The following BTG3 variants were observed in gnomAD, a reference collection of about 807,000 sequenced individuals.
BTG3 encodes the protein BTG anti-proliferation factor 3.
BTG3 carries 4 observed loss-of-function variants against 25.8 expected under a neutral mutation model. The ratio of observed to expected loss-of-function variants is 0.16; its 90% CI spans 0.08 to 0.36. The LOEUF is 0.36. Among genes scored for constraint, BTG3 ranks in the 10% least tolerant of loss-of-function variants. The probability of loss-of-function intolerance (pLI) is 1.00; values close to 1 mark genes in which losing one functional copy is unlikely to be tolerated. For missense variants in BTG3, 201 were observed against 304.9 expected, an observed-to-expected ratio of 0.66 and a Z score of 2.54; for synonymous variants, 107 against 99.9, an observed-to-expected ratio of 1.07 and a Z score of -0.42.
In BTG3 at chr21:17,594,246, C is replaced by T. The variant is rs1421916728; in HGVS notation, c.606G>A (p.Gln202=). The T allele has an allele frequency of 3.1e-6, 5 of 1,613,344 alleles. No individual in the cohort carries two copies. Among genetic ancestry groups the T allele is most frequent in the Non-Finnish European group, 4.2e-6 (5 of 1,179,432 alleles). ...ATGGAACAGGAGGAGGATAGTGATT[C>T]TGATGGCCATTCCCTCGATACATTC... is the stretch of plus-strand genomic sequence containing the variant. ...KPGMYRGNGH[Q]NHYPPPVPFG... The change falls in exon 5 of 5, where the codon CAG becomes CAA. Residue 202 remains glutamine, a synonymous_variant. Coordinates refer to ENST00000348354, the MANE Select transcript of BTG3 (RefSeq NM_006806.5).
At chr21:17,607,122 C>T (rs1041182561) in intron 2 of BTG3, among the ~76,000 whole-genome samples, 2 of 152,160 alleles carry the variant, frequency 1.3e-5, no homozygotes, top group Admixed American at 6.6e-5. Context: ...TCAAATACAG[C>T]TTTAAAATGA....
intron 1 of BTG3, chr21:17,612,366 C>T (rs1007058470): frequency 4.6e-5 from 7 of 152,304 alleles, no homozygotes; most frequent in Non-Finnish European, 1.0e-4. Context: ...AGGGGGTGGA[C>T]AGAGGGTGGG....
chr21:17,604,162 G>A, intron 3 of BTG3: 1 of 1,279,096 alleles, frequency 7.8e-7, no homozygotes, highest in Non-Finnish European at 1.0e-6. Flanking sequence ...AAAAGGAGGA[G>A]GCCGGGCGCA....
At chr21:17,600,128 G>A (rs1290873069) in intron 3 of BTG3, among the ~76,000 whole-genome samples, 1 of 151,770 alleles carries the variant, frequency 6.6e-6, no homozygotes, top group Non-Finnish European at 1.5e-5. Context: ...TGTAACATAT[G>A]CTGCTGGTTA....
At chr21:17,599,755 T>C (rs1476286443) in intron 3 of BTG3, among the ~76,000 whole-genome samples, 3 of 152,158 alleles carry the variant, frequency 2.0e-5, no homozygotes, top group African/African-American at 4.8e-5. Context: ...GCTGGGTTTA[T>C]AGGCGTGAGC....
intron 3 of BTG3, chr21:17,599,135 T>G (rs2061539888): frequency 3.8e-6 from 1 of 263,670 alleles, no homozygotes; most frequent in African/African-American, 2.2e-5. Context: ...GATTACATTT[T>G]TGTATGTACC....
At chr21:17,594,408 CAA>C in intron 4 of BTG3, 76 bp from the exon 5 acceptor site, 1 of 538,168 alleles carries the variant, frequency 1.9e-6, no homozygotes, top group South Asian at 3.3e-5. Context: ...TCATTAAAGA[CAA>C]ACAAAGTTAC....
At chr21:17,597,618 GT>G (rs995071821) in intron 4 of BTG3, among the ~76,000 whole-genome samples, 3 of 151,804 alleles carry the variant, frequency 2.0e-5, no homozygotes, top group African/African-American at 4.8e-5. Flanking sequence ...ATAAAGCCAG[GT>G]ACATGTTATA....
chr21:17,608,135 G>A (rs1185196281), intron 2 of BTG3, among the ~76,000 whole-genome samples: 1 of 152,200 alleles, frequency 6.6e-6, no homozygotes, highest in African/African-American at 2.4e-5. Flanking sequence ...GGGAGGCAAA[G>A]GGAGAAGATC....
intron 3 of BTG3, among the ~76,000 whole-genome samples, chr21:17,602,330 A>C (rs2061585076): frequency 6.6e-6 from 1 of 152,208 alleles, no homozygotes; most frequent in African/African-American, 2.4e-5. Context: ...GAGTAAGTGA[A>C]GACTATGAAG....
At chr21:17,612,384 G>A (rs2061742801) in intron 1 of BTG3, 1 of 152,384 alleles carries the variant, frequency 6.6e-6, no homozygotes, top group African/African-American at 2.4e-5. Context: ...GGGAAGCCGC[G>A]GGGTTGTCGC....
intron 2 of BTG3, 174 bp downstream of exon 2, chr21:17,608,798 C>T (rs370205781): frequency 9.1e-5 from 54 of 594,762 alleles, no homozygotes; most frequent in East Asian, 7.9e-4. Context: ...TCCACCACTC[C>T]GCCAACAAAT....
chr21:17,611,051 G>C (rs571109947), intron 1 of BTG3, among the ~76,000 whole-genome samples: 2 of 152,154 alleles, frequency 1.3e-5, no homozygotes, highest in Non-Finnish European at 2.9e-5. Context: ...AGCAGGCACC[G>C]GGCATGGGTC....
chr21:17,594,792 A>G (rs2061483149), intron 4 of BTG3, among the ~76,000 whole-genome samples: 1 of 127,962 alleles, frequency 7.8e-6, no homozygotes, highest in Non-Finnish European at 1.7e-5. Context: ...GGAGGTAATG[A>G]TAAGAACTTA....
In BTG3 at chr21:17,606,063, C is replaced by T. The variant is rs182055238; in HGVS notation, c.174-1066G>A. Among the ~76,000 whole-genome samples the T allele has an allele frequency of 6.3e-3, 960 of 152,248 alleles. 54 individuals are homozygous for T. The East Asian group carries it at 0.13, about 21-fold the overall frequency. On this transcript the variant is annotated intron_variant, in intron 2 of 4. Coordinates refer to ENST00000348354, the MANE Select transcript of BTG3 (RefSeq NM_006806.5). ...ATTTAAAAAATGAAAAAGTTCTCAACAGGTAATAGGAATAAGTGTTTCTAC... is the reference window on the plus strand; with the variant it reads ...ATTTAAAAAATGAAAAAGTTCTCAATAGGTAATAGGAATAAGTGTTTCTAC...
intron 1 of BTG3, among the ~76,000 whole-genome samples, chr21:17,609,481 G>A (rs2061689410): frequency 6.6e-6 from 1 of 152,182 alleles, no homozygotes; most frequent in Non-Finnish European, 1.5e-5. Context: ...ATGTTACTGT[G>A]TGTGTCAATA....
intron 3 of BTG3, 143 bp downstream of exon 3, chr21:17,604,717 A>T: frequency 2.8e-6 from 3 of 1,057,822 alleles, no homozygotes; most frequent in Non-Finnish European, 2.6e-6. Context: ...CCTCCAGAAA[A>T]GTATTTCATA....
intron 1 of BTG3, chr21:17,611,530 C>T (rs1381183653): frequency 6.6e-6 from 1 of 152,206 alleles, no homozygotes; most frequent in Non-Finnish European, 1.5e-5. Flanking sequence ...TAAGCCCACT[C>T]CCACCAGTAT....
chr21:17,606,308 C>T (rs2061641418), intron 2 of BTG3, among the ~76,000 whole-genome samples: 1 of 152,104 alleles, frequency 6.6e-6, no homozygotes, highest in Non-Finnish European at 1.5e-5. Flanking sequence ...ATCCAGGCCA[C>T]TAGACTCCAA....
Sources: allele counts gnomAD v4.1 joint callset (sites outside exome capture counted in the v4.1 genomes callset), GRCh38; gene constraint gnomAD v4.1.1; transcripts MANE v1.5; gene names NCBI Gene and HGNC (gene_info 2026-07-23, HGNC 2026-07-21).